Variants in RBPMS observed in about 807,000 individuals in gnomAD.
RBPMS encodes RNA binding protein, mRNA processing factor.
In RBPMS, 7 loss-of-function variants were observed where a neutral mutation model predicts 26.8. The ratio of observed to expected loss-of-function variants is 0.26; its 90% CI spans 0.15 to 0.49. The LOEUF (loss-of-function observed/expected upper bound fraction) is 0.49. Ranked by LOEUF, RBPMS falls within the 20% of genes least tolerant of loss-of-function variation. The pLI, the probability that RBPMS is intolerant of heterozygous loss-of-function variation, is 0.98. For missense variants in RBPMS, 186 were observed against 250.0 expected (o/e 0.74, Z 1.73); for synonymous variants, 96 against 93.3 (o/e 1.03, Z -0.17).
At chr8:30,416,870 A>G (rs1337759579) in intron 1 of RBPMS, among the ~76,000 whole-genome samples, 3 of 152,050 alleles carry the variant, frequency 2.0e-5, no homozygotes, top group African/African-American at 7.2e-5. Context: ...CTTGGGTTCA[A>G]GTAAGTCTCC....
intron 1 of RBPMS, among the ~76,000 whole-genome samples, chr8:30,470,034 C>G (rs1410382728): frequency 6.6e-6 from 1 of 152,048 alleles, no homozygotes; most frequent in Non-Finnish European, 1.5e-5. Flanking sequence ...TTTAGTGGCT[C>G]AGATGAAAAG....
At chr8:30,445,362 A>G (rs986047819) in intron 1 of RBPMS, 5 of 152,178 alleles carry the variant, frequency 3.3e-5, no homozygotes, top group African/African-American at 1.2e-4. Context: ...AAATCTTGCT[A>G]TCCTTGTGTC....
chr8:30,556,821 A>C (rs1826966724), intron 6 of RBPMS: 2 of 971,880 alleles, frequency 2.1e-6, no homozygotes, highest in African/African-American at 1.8e-5. Context: ...TCTTCTCCCC[A>C]CCTCTGCCCT....
At chr8:30,458,636 G>T (rs2150771015) in intron 1 of RBPMS, among the ~76,000 whole-genome samples, 1 of 152,154 alleles carries the variant, frequency 6.6e-6, no homozygotes, top group East Asian at 1.9e-4. Flanking sequence ...TGATGAACTG[G>T]TTGCACATCA....
intron 4 of RBPMS, among the ~76,000 whole-genome samples, chr8:30,493,859 G>A (rs1301360455): frequency 1.3e-5 from 2 of 152,068 alleles, no homozygotes; most frequent in Non-Finnish European, 2.9e-5. Flanking sequence ...TGCGTTTATC[G>A]CTTCTTCAAA....
chr8:30,532,604 T>G (rs904432353), intron 5 of RBPMS, among the ~76,000 whole-genome samples: 1 of 152,204 alleles, frequency 6.6e-6, no homozygotes, highest in Non-Finnish European at 1.5e-5. Context: ...AAACACCGGT[T>G]TGACTTTCAG....
At chr8:30,560,446 C>T (rs191666498) in intron 7 of RBPMS, among the ~76,000 whole-genome samples, 2 of 152,258 alleles carry the variant, frequency 1.3e-5, no homozygotes, top group East Asian at 3.9e-4. Flanking sequence ...AGCCACCTGG[C>T]CATTCACAGC....
chr8:30,430,287 G>A (rs1378856797), intron 1 of RBPMS, among the ~76,000 whole-genome samples: 3 of 152,172 alleles, frequency 2.0e-5, no homozygotes, highest in Non-Finnish European at 2.9e-5. Context: ...ATGTCCCCCT[G>A]TTGTCAATAG....
intron 2 of RBPMS, among the ~76,000 whole-genome samples, 199 bp downstream of exon 2, chr8:30,475,055 G>A (rs981169988): frequency 6.6e-6 from 1 of 152,214 alleles, no homozygotes; most frequent in African/African-American, 2.4e-5. Context: ...TTCAAATGCA[G>A]TAATGTAAGT....
chr8:30,471,558 A>G (rs908996523), intron 1 of RBPMS, among the ~76,000 whole-genome samples: 2 of 152,202 alleles, frequency 1.3e-5, no homozygotes, highest in East Asian at 1.9e-4. Flanking sequence ...TCTGTAATCC[A>G]GTTAGAACCT....
At chr8:30,435,663 TG>T in intron 1 of RBPMS, among the ~76,000 whole-genome samples, 1 of 152,184 alleles carries the variant, frequency 6.6e-6, no homozygotes, top group East Asian at 1.9e-4. Context: ...CAGCAGCCAA[TG>T]GGGATGTATG....
intron 4 of RBPMS, among the ~76,000 whole-genome samples, chr8:30,495,033 T>C (rs1819780398): frequency 6.6e-6 from 1 of 152,192 alleles, no homozygotes. Flanking sequence ...AAAATCTTTT[T>C]ATCCCTCTGG....
intron 5 of RBPMS, among the ~76,000 whole-genome samples, chr8:30,505,500 C>A (rs150508919): frequency 1.0e-3 from 152 of 152,144 alleles, no homozygotes; most frequent in African/African-American, 3.4e-3. Context: ...GATAAGTCTC[C>A]CTGAATGTTC....
chr8:30,480,486 C>CT (rs1818161764), intron 4 of RBPMS, among the ~76,000 whole-genome samples: 3 of 152,168 alleles, frequency 2.0e-5, no homozygotes, highest in African/African-American at 4.8e-5. Context: ...TGTGTACACT[C>CT]TGAGAAGAAA....
intron 1 of RBPMS, among the ~76,000 whole-genome samples, chr8:30,388,945 A>G (rs1343795327): frequency 6.6e-6 from 1 of 152,246 alleles, no homozygotes; most frequent in African/African-American, 2.4e-5. Flanking sequence ...TCTGAGGTTA[A>G]TACAAACCTT....
At chr8:30,549,039 C>T (rs879582743) in intron 6 of RBPMS, among the ~76,000 whole-genome samples, 9 of 152,186 alleles carry the variant, frequency 5.9e-5, no homozygotes, top group Non-Finnish European at 1.0e-4. Flanking sequence ...CTGTGGATCC[C>T]CTCCAGGCGC....
At chr8:30,487,046 T>C (rs986336315) in intron 4 of RBPMS, among the ~76,000 whole-genome samples, 5 of 152,186 alleles carry the variant, frequency 3.3e-5, no homozygotes, top group Non-Finnish European at 5.9e-5. Flanking sequence ...ATAGAAAATA[T>C]AGTTAGTGTT....
intron 1 of RBPMS, among the ~76,000 whole-genome samples, chr8:30,457,647 C>T (rs1815384262): frequency 7.2e-6 from 1 of 139,656 alleles, no homozygotes. Context: ...GTCTGGAGTG[C>T]AGTGGTGCGA....
intron 4 of RBPMS, among the ~76,000 whole-genome samples, chr8:30,484,700 A>C (rs1818609987): frequency 6.6e-6 from 1 of 152,218 alleles, no homozygotes; most frequent in Admixed American, 6.5e-5. Flanking sequence ...AGAAAGCTTT[A>C]ATTTGTAAGA....
Sources: allele counts gnomAD v4.1 joint callset (sites outside exome capture counted in the v4.1 genomes callset), GRCh38; gene constraint gnomAD v4.1.1; transcripts MANE v1.5; gene names NCBI Gene and HGNC (gene_info 2026-07-23, HGNC 2026-07-21).